NCF4: variants seen among roughly 807,000 people sequenced by gnomAD.
NCF4 encodes the protein neutrophil cytosolic factor 4.
NCF4 carries 30 observed loss-of-function variants against 41.7 expected under a neutral mutation model. That is an observed-to-expected ratio of 0.72 (90% CI 0.54 to 0.97). The LOEUF (loss-of-function observed/expected upper bound fraction) is 0.97. NCF4 is among the 50% of genes least tolerant of loss of function. NCF4 has a pLI of 0.00. For missense variants in NCF4, 432 were observed against 460.9 expected (o/e 0.94, Z 0.57); for synonymous variants, 195 against 175.8 (o/e 1.11, Z -0.87).
chr22:36,864,839 T>C, intron 2 of NCF4, 80 bp from the exon 3 acceptor site: 2 of 1,556,094 alleles, frequency 1.3e-6, no homozygotes, highest in Non-Finnish European at 1.8e-6. Flanking sequence ...CTCCTCCTCC[T>C]CCTCCCCTTT....
chr22:36,877,878 AGAG>A lies in NCF4; in HGVS notation c.*59_*61del. The A allele has an allele frequency of 3.2e-6, 5 of 1,541,396 alleles. No homozygotes were observed. The highest frequency in any genetic ancestry group is 4.4e-6 in the Non-Finnish European group (5 of 1,132,288). On this transcript the variant is annotated 3_prime_UTR_variant, in exon 10 of 10. Transcript: ENST00000248899. ...ACACCAGCAAAAACCTTCAGCTCTCAGAGGAGATTGGGACCAGGAAAACCTGGG... is the reference window on the plus strand; with the variant it reads ...ACACCAGCAAAAACCTTCAGCTCTCAGAGATTGGGACCAGGAAAACCTGGG...
intron 1 of NCF4, among the ~76,000 whole-genome samples, chr22:36,862,051 T>C (rs1939786136): frequency 6.6e-6 from 1 of 152,210 alleles, no homozygotes; most frequent in African/African-American, 2.4e-5. Flanking sequence ...CTCACCAGCA[T>C]CTAGCCTCGT....
At chr22:36,864,703 G>GTT (rs34176632) in intron 2 of NCF4, among the ~76,000 whole-genome samples, 6 of 148,702 alleles carry the variant, frequency 4.0e-5, no homozygotes, top group African/African-American at 1.5e-4. Flanking sequence ...TCTTTTTCCA[G>GTT]TTTTTTTTTT....
chr22:36,875,963 C>T (rs141940133), intron 8 of NCF4, 66 bp from the exon 9 acceptor site: 1 of 1,614,128 alleles, frequency 6.2e-7, no homozygotes, highest in Non-Finnish European at 8.5e-7. Context: ...CCTCATTCCC[C>T]TTTCCCCCAC....
chr22:36,867,145 G>A (rs1390076743), intron 3 of NCF4, among the ~76,000 whole-genome samples: 13 of 151,842 alleles, frequency 8.6e-5, no homozygotes, highest in South Asian at 2.1e-4. Flanking sequence ...GTGTGTGTGC[G>A]CTTGGATGAA....
In NCF4 at chr22:36,871,584, A is replaced by C. The variant is rs556245779; in HGVS notation, c.471-68A>C. ...TGCTCCTTGCAAGGGGCTCCTCTGG[A>C]CACAGGAGCAGGAAGCTGGGCCCTG... On this transcript the variant is annotated intron_variant, in intron 5 of 9. Coordinates refer to ENST00000248899, the MANE Select transcript of NCF4 (RefSeq NM_000631.5). 7 of 1,501,064 alleles carry C rather than the reference A, an allele frequency of 4.7e-6. No homozygotes were observed. The East Asian group carries it at 1.5e-4, about 32-fold the overall frequency. The allele number at this position is 1,501,064 out of a possible 1,614,324, so 93.0% of individuals were successfully genotyped here. A position where few individuals can be genotyped will look rare whatever the true frequency, so the allele number is the denominator to read the frequency against.
At chr22:36,877,606 A>G in intron 9 of NCF4, 22 bp from the exon 10 acceptor site, 1 of 1,613,860 alleles carries the variant, frequency 6.2e-7, no homozygotes, top group Non-Finnish European at 8.5e-7. Flanking sequence ...CCCTTTGATT[A>G]TCCCTGACTT....
Position 36,865,184 on chromosome 22 carries a change from A to G in NCF4, c.271+112A>G, listed in dbSNP as rs1939898866. The G allele has an allele frequency of 6.8e-7, 1 of 1,472,564 alleles. No individual in the cohort carries two copies. Among genetic ancestry groups the G allele is most frequent in the East Asian group, 2.4e-5 (1 of 41,866 alleles). The allele number at this position is 1,472,564 out of a possible 1,614,324, so 91.2% of individuals were successfully genotyped here. The stretch of plus-strand genomic sequence containing the variant: ...CAACCCCAGTGAAAACTGTTCATGT[A>G]GTTTATAGCCCCCACTCCCGGCAGT... On this transcript the variant is annotated intron_variant, in intron 3 of 9. Coordinates refer to ENST00000248899, the MANE Select transcript of NCF4 (RefSeq NM_000631.5). The surrounding 1 kb of genome is among the most constrained non-coding windows in gnomAD (Gnocchi z 4.3).
chr22:36,864,737 A>C (rs1939881540), intron 2 of NCF4, among the ~76,000 whole-genome samples, 182 bp from the exon 3 acceptor site: 1 of 147,006 alleles, frequency 6.8e-6, no homozygotes. Context: ...TTTTTTTCGC[A>C]AAGCTCGTCT....
chr22:36,861,745 C>T (rs1035705300), intron 1 of NCF4, among the ~76,000 whole-genome samples: 13 of 152,116 alleles, frequency 8.5e-5, no homozygotes, highest in East Asian at 3.8e-4. Context: ...TTTTCTTGAA[C>T]GTTGGCTCCC....
chr22:36,876,204 TTC>T, intron 9 of NCF4, 110 bp downstream of exon 9: 1 of 1,148,356 alleles, frequency 8.7e-7, no homozygotes, highest in Non-Finnish European at 1.2e-6. Flanking sequence ...GTACTTTGTC[TTC>T]TCTTTTTATC....
Position 36,861,075 on chromosome 22 carries a change from G to C in NCF4, c.-97G>C. On this transcript the variant is annotated 5_prime_UTR_variant, in exon 1 of 10. Transcript: ENST00000248899. ...GGGGACTCCCAGGACCACAGGCTGA[G>C]ACGAGACGCAGGGTGGCTGGAGGAA... 1 of 1,499,318 alleles carries C rather than the reference G, an allele frequency of 6.7e-7. No individual in the cohort carries two copies. The highest frequency in any genetic ancestry group is 9.1e-7 in the Non-Finnish European group (1 of 1,100,166). 92.9% of individuals were successfully genotyped at this position (1,499,318 alleles called of 1,614,324 possible).
At chr22:36,870,701 G>T (rs1940036445) in intron 5 of NCF4, among the ~76,000 whole-genome samples, 159 bp downstream of exon 5, 1 of 152,230 alleles carries the variant, frequency 6.6e-6, no homozygotes, top group Non-Finnish European at 1.5e-5. Flanking sequence ...AGAAAGTCAT[G>T]TTCAGGCTTG....
chr22:36,873,039 T>C (rs1195582714), intron 7 of NCF4, among the ~76,000 whole-genome samples: 3 of 143,542 alleles, frequency 2.1e-5, no homozygotes, highest in Non-Finnish European at 4.6e-5. Flanking sequence ...AGATTGGAGG[T>C]GAGGATGGAG....
chr22:36,874,341 G>C, intron 7 of NCF4, among the ~76,000 whole-genome samples: 1 of 152,214 alleles, frequency 6.6e-6, no homozygotes, highest in Non-Finnish European at 1.5e-5. Flanking sequence ...GGAGGTTCTG[G>C]GACAGGCCCA....
chr22:36,867,564 C>T, intron 4 of NCF4, 102 bp downstream of exon 4: 1 of 1,264,820 alleles, frequency 7.9e-7, no homozygotes, highest in African/African-American at 1.5e-5. Flanking sequence ...CTGGGGCTGG[C>T]TCTCTGGCTC....
chr22:36,874,673 C>A (rs565217246), intron 7 of NCF4, among the ~76,000 whole-genome samples: 2 of 152,224 alleles, frequency 1.3e-5, no homozygotes, highest in East Asian at 3.9e-4. Context: ...CCACTTTGAG[C>A]CTTGGTTAAT....
At position 36,867,110 on chromosome 22, in the gene NCF4, C is replaced by CGTGTGTGTGT. The variant is rs3221695; in HGVS notation, c.272-258_272-249dup. The stretch of plus-strand genomic sequence containing the variant: ...ATCCTGCTCTCTTAGAACTAAGAGT[C>CGTGTGTGTGT]GTGTGTGTGTGTGTGTGTGTGTGTG... On this transcript the variant is annotated intron_variant, in intron 3 of 9. Transcript: ENST00000248899. 0.064 allele frequency among the ~76,000 whole-genome samples: 9,165 copies of CGTGTGTGTGT among 143,730 alleles called. 511 individuals are homozygous for CGTGTGTGTGT. Among genetic ancestry groups the CGTGTGTGTGT allele is most frequent in the African/African-American group, 0.15 (5,544 of 38,114 alleles). The allele number at this position is 143,730 out of a possible 152,430, so 94.3% of individuals were successfully genotyped here.
At chr22:36,875,962 C>G in intron 8 of NCF4, 67 bp from the exon 9 acceptor site, 1 of 1,614,128 alleles carries the variant, frequency 6.2e-7, no homozygotes. Context: ...GCCTCATTCC[C>G]CTTTCCCCCA....
Sources: gnomAD v4.1 joint callset for allele counts (sites outside exome capture counted in the v4.1 genomes callset) on GRCh38, gnomAD v4.1.1 for gene constraint, Gnocchi (gnomAD v3.1) non-coding constraint, MANE v1.5 for transcripts, NCBI Gene and HGNC (gene_info 2026-07-23, HGNC 2026-07-21) for gene names.